The following PRR9 variants were observed in gnomAD, a reference collection of about 807,000 sequenced individuals.
PRR9 encodes the protein proline rich 9.
In PRR9, 3 loss-of-function variants were observed where a neutral mutation model predicts 2.6. The ratio of observed to expected loss-of-function variants is 1.15; its 90% CI spans 0.53 to 2.98. The LOEUF (loss-of-function observed/expected upper bound fraction) is 2.98, where lower values mean the gene tolerates loss of function less well. PRR9 is among the 30% of genes most tolerant of loss of function. PRR9 has a pLI of 0.03. For synonymous variants in PRR9, 48 were observed against 50.4 expected (o/e 0.95, Z 0.20); for missense variants, 141 against 132.0 (o/e 1.07, Z -0.33).
At position 153,218,603 on chromosome 1, in the gene PRR9, C is replaced by G. The variant is rs1657975728; in HGVS notation, c.*108C>G. On this transcript the variant is annotated 3_prime_UTR_variant, in exon 2 of 2. Transcript: ENST00000368744. ...GTGGGTACCTCTGTGTGCAATGTAC[C>G]TTCTTGCCTCCTGGCTTCCTTAGCA... The G allele has an allele frequency of 1.3e-6, 1 of 742,438 alleles. No homozygotes were observed. Among genetic ancestry groups the G allele is most frequent in the African/African-American group, 1.8e-5 (1 of 56,274 alleles). 46.0% of individuals were successfully genotyped at this position (742,438 alleles called of 1,614,324 possible). A position where few individuals can be genotyped will look rare whatever the true frequency, so the allele number is the denominator to read the frequency against.
At position 153,218,537 on chromosome 1, in the gene PRR9, T is replaced by C; in HGVS notation, c.*42T>C. The C allele has an allele frequency of 6.9e-7, 1 of 1,444,570 alleles. No individual in the cohort carries two copies. Among genetic ancestry groups the C allele is most frequent in the Non-Finnish European group, 9.4e-7 (1 of 1,061,710 alleles). 89.5% of individuals were successfully genotyped at this position (1,444,570 alleles called of 1,614,324 possible). ...TGGGTTCAAGAAGATGGCCAGCAGATGAAACCCTGACCCCAGCCCACGCTC... is the reference window on the plus strand; with the variant it reads ...TGGGTTCAAGAAGATGGCCAGCAGACGAAACCCTGACCCCAGCCCACGCTC... On this transcript the variant is annotated 3_prime_UTR_variant, in exon 2 of 2. Transcript: ENST00000368744.
At chr1:153,218,079 C>A in intron 1 of PRR9, 46 bp from the exon 2 acceptor site, 3 of 1,265,628 alleles carry the variant, frequency 2.4e-6, no homozygotes, top group South Asian at 1.5e-5. Context: ...AGTTCCCATG[C>A]TGATATTTTT....
rs2101684913 is a variant in PRR9, at chr1:153,219,020, C to T, written c.*525C>T. 5.9e-6 allele frequency: 1 copy of T among 168,350 alleles called. No homozygotes were observed. Among genetic ancestry groups the T allele is most frequent in the Non-Finnish European group, 1.5e-5 (1 of 68,760 alleles). 10.4% of individuals were successfully genotyped at this position (168,350 alleles called of 1,614,324 possible). A position where few individuals can be genotyped will look rare whatever the true frequency, so the allele number is the denominator to read the frequency against. ...TTTTGTCTCTGTACACTAAAAAGAA[C>T]AGCAAATTATTGAACTTTGAAATGT... On this transcript the variant is annotated 3_prime_UTR_variant, in exon 2 of 2. Coordinates refer to ENST00000368744, the MANE Select transcript of PRR9 (RefSeq NM_001195571.2).
chr1:153,218,450 A>G lies in PRR9; in HGVS notation c.306A>G (p.Pro102=). Residue 102 remains proline (P), a synonymous_variant, in exon 2 of 2, where the codon CCA becomes CCG. Transcript: ENST00000368744. ...AGACAAAATGTGTGGAGGTTTGCCC[A>G]CAGAAAGTCCAGGAGAAGTGCTCAT... ...LFQTKCVEVC[P]QKVQEKCSSP... is the part of the protein sequence containing the mutation. The G allele has an allele frequency of 6.4e-7, 1 of 1,550,606 alleles. No homozygotes were observed. The highest frequency in any genetic ancestry group is 2.4e-5 in the East Asian group (1 of 40,924).
Position 153,218,344 on chromosome 1 carries a change from A to G in PRR9, c.200A>G (p.Gln67Arg). The change falls in exon 2 of 2, where the codon CAG (glutamine) becomes CGG (arginine). Residue 67 changes from glutamine (Q) to arginine (R), a missense_variant. Gln to Arg is a conservative substitution (Grantham distance 43). Transcript: ENST00000368744. ...GAATCAAGTCAAGAAAAATGCCCAC[A>G]GCAAGGCCAAGAGCCATACCTACCT... ...CQESSQEKCP[Q>R]QGQEPYLPPC... 3 of 1,550,644 alleles carry G rather than the reference A, an allele frequency of 1.9e-6. No individual in the cohort carries two copies. Among genetic ancestry groups the G allele is most frequent in the Non-Finnish European group, 2.6e-6 (3 of 1,147,014 alleles).
rs1198107107 is a variant in PRR9 at position 153,219,169 on chromosome 1, G to A, written c.*674G>A. 1 of 167,760 alleles carries A rather than the reference G, an allele frequency of 6.0e-6. No homozygotes were observed. The highest frequency in any genetic ancestry group is 2.4e-5 in the African/African-American group (1 of 41,462). 10.4% of individuals were successfully genotyped at this position (167,760 alleles called of 1,614,324 possible). A position where few individuals can be genotyped will look rare whatever the true frequency, so the allele number is the denominator to read the frequency against. On this transcript the variant is annotated 3_prime_UTR_variant, in exon 2 of 2. Transcript: ENST00000368744. ...CTCTGTGCTTCATAGCTGGTCTAAT[G>A]TGGGCCCTTAGTTCTCACCATGTAC... is the stretch of plus-strand genomic sequence containing the variant.
rs1290741514 is a variant in PRR9 at position 153,218,175 on chromosome 1, C to T, written c.31C>T (p.Pro11Ser). ...CTTCAGTGAGCAGCAGTGCAAGCAG[C>T]CATGTGTGCCCCCTCCATGCCTCCC... MSFSEQQCKQ[P>S]CVPPPCLPKT... Residue 11 changes from proline (P) to serine (S), a missense_variant, in exon 2 of 2, where the codon CCA becomes TCA. Pro to Ser is a moderately conservative substitution (Grantham distance 74). Transcript: ENST00000368744. 6.5e-7 allele frequency: 1 copy of T among 1,549,970 alleles called. No homozygotes were observed. Among genetic ancestry groups the T allele is most frequent in the Admixed American group, 2.0e-5 (1 of 50,938 alleles).
In PRR9 at chr1:153,218,599, G is replaced by A. The variant is rs1657975626; in HGVS notation, c.*104G>A. 3.9e-6 allele frequency: 3 copies of A among 767,582 alleles called. No individual in the cohort carries two copies. The highest frequency in any genetic ancestry group is 6.3e-6 in the Non-Finnish European group (3 of 472,998). 47.5% of individuals were successfully genotyped at this position (767,582 alleles called of 1,614,324 possible). A position where few individuals can be genotyped will look rare whatever the true frequency, so the allele number is the denominator to read the frequency against. On this transcript the variant is annotated 3_prime_UTR_variant, in exon 2 of 2. Coordinates refer to ENST00000368744, the MANE Select transcript of PRR9 (RefSeq NM_001195571.2). ...TTCTGTGGGTACCTCTGTGTGCAAT[G>A]TACCTTCTTGCCTCCTGGCTTCCTT...
chr1:153,218,236 A>G lies in PRR9; in HGVS notation c.92A>G (p.Glu31Gly), dbSNP rs2101684416. ...GAGCAGTGCCAAGCAAAGGCTGAGG[A>G]GGTGTGCCTCCCCACATGCCAGCAC... Reference protein sequence around the residue: ...TQEQCQAKAEEVCLPTCQHPC... With the variant: ...TQEQCQAKAEGVCLPTCQHPC... The change falls in exon 2 of 2, where the codon GAG becomes GGG. Residue 31 changes from glutamate to glycine, a missense_variant. Coordinates refer to ENST00000368744, the MANE Select transcript of PRR9 (RefSeq NM_001195571.2). 1.9e-6 allele frequency: 3 copies of G among 1,550,636 alleles called. No individual in the cohort carries two copies. In the East Asian group the frequency reaches 7.3e-5, roughly 38 times the overall value.
Position 153,219,005 on chromosome 1 carries a change from G to A in PRR9, c.*510G>A. On this transcript the variant is annotated 3_prime_UTR_variant, in exon 2 of 2. Transcript: ENST00000368744. ...TCAAAAATTTGGTGATTTTGTCTCTGTACACTAAAAAGAACAGCAAATTAT... is the reference window on the plus strand; with the variant it reads ...TCAAAAATTTGGTGATTTTGTCTCTATACACTAAAAAGAACAGCAAATTAT... 5.9e-6 allele frequency: 1 copy of A among 169,134 alleles called. No individual in the cohort carries two copies. The highest frequency in any genetic ancestry group is 1.8e-4 in the South Asian group (1 of 5,444). 10.5% of individuals were successfully genotyped at this position (169,134 alleles called of 1,614,324 possible). A position where few individuals can be genotyped will look rare whatever the true frequency, so the allele number is the denominator to read the frequency against.
chr1:153,218,795 T>TA lies in PRR9; in HGVS notation c.*300_*301insA. The stretch of plus-strand genomic sequence containing the variant: ...AGCACAGCTTCCTTGGTGCAAAAAT[T>TA]CACCCAGCTCTGGGTGTGTAACAGC... On this transcript the variant is annotated 3_prime_UTR_variant, in exon 2 of 2. Transcript: ENST00000368744. 3.0e-5 allele frequency: 9 copies of TA among 302,362 alleles called. No homozygotes were observed. In the South Asian group the frequency reaches 6.0e-4, roughly 20 times the overall value. The allele number at this position is 302,362 out of a possible 1,614,324, so 18.7% of individuals were successfully genotyped here.
chr1:153,218,415 G>A lies in PRR9; in HGVS notation c.271G>A (p.Glu91Lys), dbSNP rs1304994661. The A allele has an allele frequency of 2.6e-6, 4 of 1,550,646 alleles. No homozygotes were observed. The highest frequency in any genetic ancestry group is 1.2e-5 in the South Asian group (1 of 84,066). ...ACCTCAGTGTGCAGAGCCATGCCAG[G>A]AGCTATTCCAGACAAAATGTGTGGA... ...CPPQCAEPCQ[E>K]LFQTKCVEVC... is the part of the protein sequence containing the mutation. Residue 91 changes from glutamate to lysine, a missense_variant, in exon 2 of 2, where the codon GAG becomes AAG. Physicochemically the swap from Glu to Lys is moderately conservative, Grantham distance 56. Transcript: ENST00000368744.
In PRR9 at chr1:153,218,372, A is replaced by C; in HGVS notation, c.228A>C (p.Pro76=). The C allele has an allele frequency of 6.4e-7, 1 of 1,550,684 alleles. No individual in the cohort carries two copies. The highest frequency in any genetic ancestry group is 8.7e-7 in the Non-Finnish European group (1 of 1,147,020). Residue 76 remains proline, a synonymous_variant, in exon 2 of 2, where the codon CCA becomes CCC. Coordinates refer to ENST00000368744, the MANE Select transcript of PRR9 (RefSeq NM_001195571.2). The part of the protein sequence containing the change: ...PQQGQEPYLP[P]CQDQCPPQCA... ...AAGGCCAAGAGCCATACCTACCTCC[A>C]TGCCAAGACCAGTGTCCACCTCAGT... is the stretch of plus-strand genomic sequence containing the variant.
chr1:153,218,423 C>T lies in PRR9; in HGVS notation c.279C>T (p.Phe93=), dbSNP rs776311768. The change falls in exon 2 of 2, where the codon TTC becomes TTT. Residue 93 remains phenylalanine, a synonymous_variant. Coordinates refer to ENST00000368744, the MANE Select transcript of PRR9 (RefSeq NM_001195571.2). ...GTGCAGAGCCATGCCAGGAGCTATT[C>T]CAGACAAAATGTGTGGAGGTTTGCC... ...PQCAEPCQEL[F]QTKCVEVCPQ... 5 of 1,550,502 alleles carry T rather than the reference C, an allele frequency of 3.2e-6. No homozygotes were observed. The highest frequency in any genetic ancestry group is 4.4e-6 in the Non-Finnish European group (5 of 1,147,002).
Position 153,219,142 on chromosome 1 carries a change from A to G in PRR9, c.*647A>G, listed in dbSNP as rs543123296. On this transcript the variant is annotated 3_prime_UTR_variant, in exon 2 of 2. Transcript: ENST00000368744. ...AGATGGATGTTTGGTGCCCTTGTCA[A>G]TCTCTGTGCTTCATAGCTGGTCTAA... 1 of 168,092 alleles carries G rather than the reference A, an allele frequency of 5.9e-6. No individual in the cohort carries two copies. The highest frequency in any genetic ancestry group is 1.9e-4 in the East Asian group (1 of 5,196). The allele number at this position is 168,092 out of a possible 1,614,324, so 10.4% of individuals were successfully genotyped here.
In PRR9 at chr1:153,218,185, C is replaced by A. The variant is rs1029015868; in HGVS notation, c.41C>A (p.Pro14His). The change falls in exon 2 of 2, where the codon CCC becomes CAC. Residue 14 changes from proline (P) to histidine (H), a missense_variant. Pro to His is a moderately conservative substitution (Grantham distance 77, BLOSUM62 -2). Transcript: ENST00000368744. ...SEQQCKQPCV[P>H]PPCLPKTQEQ... ...CAGCAGTGCAAGCAGCCATGTGTGCCCCCTCCATGCCTCCCAAAGACCCAG... is the reference window on the plus strand; with the variant it reads ...CAGCAGTGCAAGCAGCCATGTGTGCACCCTCCATGCCTCCCAAAGACCCAG... 5 of 1,550,572 alleles carry A rather than the reference C, an allele frequency of 3.2e-6. No individual in the cohort carries two copies. The highest frequency in any genetic ancestry group is 4.4e-6 in the Non-Finnish European group (5 of 1,146,888).
chr1:153,218,197 TCCCAAAGA>T lies in PRR9; in HGVS notation c.58_65del (p.Lys20GlyfsTer8), dbSNP rs929351370. On this transcript the variant is annotated frameshift_variant, in exon 2 of 2. Coordinates refer to ENST00000368744, the MANE Select transcript of PRR9 (RefSeq NM_001195571.2). LOFTEE classifies it low-confidence loss of function (END_TRUNC). Reference sequence around the variant, plus strand: ...CAGCCATGTGTGCCCCCTCCATGCCTCCCAAAGACCCAGGAGCAGTGCCAAGCAAAGGC... The same window carrying T: ...CAGCCATGTGTGCCCCCTCCATGCCTCCCAGGAGCAGTGCCAAGCAAAGGC... The T allele has an allele frequency of 4.3e-5, 66 of 1,550,638 alleles. No individual in the cohort carries two copies. Among genetic ancestry groups the T allele is most frequent in the Non-Finnish European group, 5.3e-5 (61 of 1,147,028 alleles).
rs1364478660 is a variant in PRR9 at position 153,218,579 on chromosome 1, T to A, written c.*84T>A. ...CCCACGCTCTGGTGACCTTCTTCTG[T>A]GGGTACCTCTGTGTGCAATGTACCT... On this transcript the variant is annotated 3_prime_UTR_variant, in exon 2 of 2. Transcript: ENST00000368744. The A allele has an allele frequency of 7.4e-6, 7 of 952,184 alleles. No individual in the cohort carries two copies. The highest frequency in any genetic ancestry group is 1.1e-5 in the Non-Finnish European group (7 of 633,068). The allele number at this position is 952,184 out of a possible 1,614,324, so 59.0% of individuals were successfully genotyped here.
At chr1:153,217,915 T>C (rs1162783239) in intron 1 of PRR9, among the ~76,000 whole-genome samples, 2 of 152,134 alleles carry the variant, frequency 1.3e-5, no homozygotes, top group East Asian at 3.9e-4. Context: ...ACACTCCCAC[T>C]TTGGAGACAG....
Sources: allele counts gnomAD v4.1 joint callset (sites outside exome capture counted in the v4.1 genomes callset), GRCh38; gene constraint gnomAD v4.1.1; transcripts MANE v1.5; gene names NCBI Gene and HGNC (gene_info 2026-07-23, HGNC 2026-07-21).